The following HS6ST3 variants were observed in gnomAD, a reference collection of about 807,000 sequenced individuals.
HS6ST3 encodes the protein heparan-sulfate 6-O-sulfotransferase 3.
HS6ST3 carries 12 observed loss-of-function variants against 36.7 expected under a neutral mutation model. The observed-to-expected ratio is 0.33, with a 90% confidence interval of 0.21 to 0.53. HS6ST3 has a LOEUF of 0.53. Among genes scored for constraint, HS6ST3 ranks in the 20% least tolerant of loss-of-function variants. The probability of loss-of-function intolerance (pLI) is 0.95; values close to 1 mark genes in which losing one functional copy is unlikely to be tolerated. For missense variants in HS6ST3, 584 were observed against 640.9 expected (o/e 0.91, Z 0.96); for synonymous variants, 240 against 257.5 (o/e 0.93, Z 0.65).
chr13:96,402,334 G>A (rs561003522), intron 1 of HS6ST3, among the ~76,000 whole-genome samples: 11 of 152,280 alleles, frequency 7.2e-5, no homozygotes, highest in Admixed American at 7.2e-4. Flanking sequence ...TAATATGTGA[G>A]CTTAGAACAG....
At chr13:96,524,977 C>T (rs887829094) in intron 1 of HS6ST3, among the ~76,000 whole-genome samples, 4 of 152,158 alleles carry the variant, frequency 2.6e-5, no homozygotes, top group African/African-American at 7.2e-5. Context: ...TGTTCCTATT[C>T]GGCCATCTTG....
intron 1 of HS6ST3, among the ~76,000 whole-genome samples, chr13:96,626,266 A>G (rs527467226): frequency 1.3e-5 from 2 of 152,236 alleles, no homozygotes; most frequent in South Asian, 4.1e-4. Flanking sequence ...ATTCTCCTAT[A>G]TTGTCTTTTA....
chr13:96,353,040 C>T (rs896366769), intron 1 of HS6ST3, among the ~76,000 whole-genome samples: 1 of 138,586 alleles, frequency 7.2e-6, no homozygotes, highest in African/African-American at 2.7e-5. Flanking sequence ...CTAGAGCTAG[C>T]GTATTCTTTT....
chr13:96,385,180 C>CAAAAAA (rs11317656), intron 1 of HS6ST3, among the ~76,000 whole-genome samples: 60 of 129,328 alleles, frequency 4.6e-4, no homozygotes, highest in African/African-American at 1.6e-3. Flanking sequence ...ACTCTGTATC[C>CAAAAAA]AAAAAAAAAA....
chr13:96,250,393 C>A (rs1009267513), intron 1 of HS6ST3, among the ~76,000 whole-genome samples: 2 of 152,184 alleles, frequency 1.3e-5, no homozygotes, highest in East Asian at 3.8e-4. Flanking sequence ...GAGATGACAT[C>A]ACCCTGCATT....
chr13:96,293,445 TGA>T (rs1448774817), intron 1 of HS6ST3, among the ~76,000 whole-genome samples: 1 of 152,084 alleles, frequency 6.6e-6, no homozygotes, highest in Non-Finnish European at 1.5e-5. Context: ...GACTTCTAGT[TGA>T]CTCTTATAAC....
chr13:96,093,575 A>T (rs1234595767), intron 1 of HS6ST3, among the ~76,000 whole-genome samples: 4 of 148,766 alleles, frequency 2.7e-5, no homozygotes, highest in Non-Finnish European at 6.0e-5. Context: ...CTTTCTTTCT[A>T]AAAAAAAAAA....
intron 1 of HS6ST3, among the ~76,000 whole-genome samples, chr13:96,583,027 AG>A (rs1296189387): frequency 1.3e-5 from 2 of 151,924 alleles, no homozygotes; most frequent in African/African-American, 4.8e-5. Context: ...GAACGCTTCC[AG>A]GTCATCATCC....
chr13:96,714,775 T>C (rs992188610), intron 1 of HS6ST3, among the ~76,000 whole-genome samples: 2 of 152,192 alleles, frequency 1.3e-5, no homozygotes, highest in African/African-American at 4.8e-5. Context: ...CATAGCTCAC[T>C]GCAGCCCTGA....
At chr13:96,799,962 A>ATATATATATATGTATATATATATATATG (rs1566456775) in intron 1 of HS6ST3, among the ~76,000 whole-genome samples, 1 of 69,292 alleles carries the variant, frequency 1.4e-5, no homozygotes, top group Non-Finnish European at 2.6e-5. Flanking sequence ...ATATATATAT[A>ATATATATATATGTATATATATATATATG]TGTGTATATA....
At chr13:96,212,567 C>T (rs960783149) in intron 1 of HS6ST3, among the ~76,000 whole-genome samples, 3 of 152,174 alleles carry the variant, frequency 2.0e-5, no homozygotes, top group Non-Finnish European at 2.9e-5. Context: ...AGTCCAGGCA[C>T]CTTGGCTCAT....
chr13:96,633,368 G>T (rs2056538431), intron 1 of HS6ST3, among the ~76,000 whole-genome samples: 1 of 152,152 alleles, frequency 6.6e-6, no homozygotes, highest in African/African-American at 2.4e-5. Flanking sequence ...ATGAGTTGGG[G>T]ACTGAGATAT....
chr13:96,471,889 T>C (rs2055841858), intron 1 of HS6ST3, among the ~76,000 whole-genome samples: 1 of 152,154 alleles, frequency 6.6e-6, no homozygotes, highest in South Asian at 2.1e-4. Flanking sequence ...TTTTTCTTGT[T>C]CATGGGTATG....
chr13:96,362,430 C>T (rs183526325), intron 1 of HS6ST3, among the ~76,000 whole-genome samples: 21 of 152,196 alleles, frequency 1.4e-4, no homozygotes, highest in Admixed American at 1.2e-3. Context: ...TATAACAAAT[C>T]GACTCAAACA....
At chr13:96,632,311 G>GT (rs5805983) in intron 1 of HS6ST3, among the ~76,000 whole-genome samples, 147,225 of 150,474 alleles carry the variant, frequency 0.98, 72,078 homozygotes, top group Non-Finnish European at 1. Flanking sequence ...AAATTTCTGT[G>GT]TTTTTTTTTG....
chr13:96,406,086 T>C (rs1351822650), intron 1 of HS6ST3, among the ~76,000 whole-genome samples: 1 of 152,212 alleles, frequency 6.6e-6, no homozygotes, highest in Non-Finnish European at 1.5e-5. Context: ...ACCACAATTG[T>C]TTAAGGATCT....
At chr13:96,725,802 C>T (rs1475346775) in intron 1 of HS6ST3, among the ~76,000 whole-genome samples, 2 of 151,736 alleles carry the variant, frequency 1.3e-5, no homozygotes, top group Non-Finnish European at 2.9e-5. Flanking sequence ...GTCTTGTCTT[C>T]GTGCTTTATG....
intron 1 of HS6ST3, among the ~76,000 whole-genome samples, chr13:96,540,658 C>G (rs2056174167): frequency 6.6e-6 from 1 of 152,220 alleles, no homozygotes; most frequent in Non-Finnish European, 1.5e-5. Flanking sequence ...CTAACATGCT[C>G]TTGTAACTTA....
chr13:96,101,683 G>A (rs61966758), intron 1 of HS6ST3, among the ~76,000 whole-genome samples: 4,001 of 152,182 alleles, frequency 0.026, 65 homozygotes, highest in Non-Finnish European at 0.034. Context: ...TACCATGTCT[G>A]TAGGCAGTAT....
Sources: allele counts gnomAD v4.1 joint callset (sites outside exome capture counted in the v4.1 genomes callset), GRCh38; gene constraint gnomAD v4.1.1; transcripts MANE v1.5; gene names NCBI Gene and HGNC (gene_info 2026-07-23, HGNC 2026-07-21).